TP73: variants seen among roughly 807,000 people sequenced by gnomAD.
TP73 encodes p53-like transcription factor.
Under a neutral mutation model 62.5 loss-of-function variants are expected in TP73, and 25 were observed. The ratio of observed to expected loss-of-function variants is 0.40; its 90% CI spans 0.29 to 0.56. The LOEUF is 0.56. Among genes scored for constraint, TP73 ranks in the 20% least tolerant of loss-of-function variants. The pLI, the probability that TP73 is intolerant of heterozygous loss-of-function variation, is 0.46. For missense variants in TP73, 754 were observed against 913.3 expected (o/e 0.83, Z 2.25); for synonymous variants, 423 against 377.5 (o/e 1.12, Z -1.40).
rs2124525106 is a variant in TP73 at position 3,728,274 on chromosome 1, T to C, written c.1074+57T>C. ...GACCTGCCTCACCTCTGTCGTCTGCTGAGCCCAGGCTGGGCCATGGGGAGG... is the reference window on the plus strand; with the variant it reads ...GACCTGCCTCACCTCTGTCGTCTGCCGAGCCCAGGCTGGGCCATGGGGAGG... On this transcript the variant is annotated intron_variant, in intron 9 of 13. Transcript: ENST00000378295. The C allele has an allele frequency of 1.6e-5, 25 of 1,568,478 alleles. 1 individual carries two copies. The South Asian group carries it at 2.8e-4, about 18-fold the overall frequency.
At chr1:3,724,276 G>C (rs1641328517) in intron 6 of TP73, among the ~76,000 whole-genome samples, 1 of 152,034 alleles carries the variant, frequency 6.6e-6, no homozygotes, top group Non-Finnish European at 1.5e-5. Context: ...CCAGGGGAAG[G>C]CAGGCAATGG....
chr1:3,691,065 TGGGGTGAGCAGA>T lies in TP73; in HGVS notation c.186+7888_186+7899del, dbSNP rs1645810736. On this transcript the variant is annotated intron_variant, in intron 3 of 13. Transcript: ENST00000378295. ...TCCTGGCCTGGAGTCTGCTGCCAGT[TGGGGTGAGCAGA>T]GGTAGGAAGGGAGGCGTTGAGGGGC... 4 of 1,414,690 alleles carry T rather than the reference TGGGGTGAGCAGA, an allele frequency of 2.8e-6. No homozygotes were observed. The African/African-American group carries it at 4.2e-5, about 15-fold the overall frequency. 87.6% of individuals were successfully genotyped at this position (1,414,690 alleles called of 1,614,324 possible).
At chr1:3,722,669 GCGC>G in intron 5 of TP73, among the ~76,000 whole-genome samples, 1 of 150,970 alleles carries the variant, frequency 6.6e-6, no homozygotes, top group Non-Finnish European at 1.5e-5. Flanking sequence ...GCACAGCTGG[GCGC>G]CTCTCTGCAC....
chr1:3,690,401 C>T (rs1273050088), intron 3 of TP73, among the ~76,000 whole-genome samples: 1 of 152,196 alleles, frequency 6.6e-6, no homozygotes, highest in Non-Finnish European at 1.5e-5. Flanking sequence ...CTACCATGAT[C>T]TCCAGGGCCG....
intron 1 of TP73, among the ~76,000 whole-genome samples, chr1:3,676,691 C>A (rs1010464634): frequency 2.0e-5 from 3 of 151,972 alleles, no homozygotes; most frequent in African/African-American, 7.3e-5. Context: ...GCTCCTCAGC[C>A]CTCAGTAGCT....
At chr1:3,687,370 G>A (rs1030542060) in intron 3 of TP73, among the ~76,000 whole-genome samples, 4 of 152,192 alleles carry the variant, frequency 2.6e-5, no homozygotes, top group Non-Finnish European at 5.9e-5. Context: ...CCCCCACACC[G>A]TCTGGGAAGA....
rs1007211745 is a variant in TP73 at position 3,663,029 on chromosome 1, G to A, written c.-34+10388G>A. Among the ~76,000 whole-genome samples the A allele has an allele frequency of 5.3e-5, 8 of 152,378 alleles. No individual in the cohort carries two copies. Among genetic ancestry groups the A allele is most frequent in the African/African-American group, 1.7e-4 (7 of 41,592 alleles). On this transcript the variant is annotated intron_variant, in intron 1 of 13. Transcript: ENST00000378295. This position sits in a 1 kb window ranked among gnomAD's most constrained non-coding sequence, Gnocchi z 4.7. The stretch of plus-strand genomic sequence containing the variant: ...TTCCTCACTGCAGTGGCATCATACA[G>A]ATGAGGGCTTTGCTGATCATTATCT...
At position 3,735,891 on chromosome 1, in the gene TP73, G is replaced by C. The variant is rs1404259323; in HGVS notation, c.*2812G>C. On this transcript the variant is annotated 3_prime_UTR_variant, in exon 14 of 14. Coordinates refer to ENST00000378295, the MANE Select transcript of TP73 (RefSeq NM_005427.4). ...CCTGGGCTGCTGGGAAGCCCTTGCT[G>C]TACCCAGGAGCCCGACCCGCAGTAT... is the stretch of plus-strand genomic sequence containing the variant. 6.6e-6 allele frequency: 1 copy of C among 152,178 alleles called. No individual in the cohort carries two copies. The allele number at this position is 152,178 out of a possible 1,614,324, so 9.4% of individuals were successfully genotyped here.
rs1366629655 is a variant in TP73 at position 3,699,410 on chromosome 1, G to A, written c.187-8139G>A. Among the ~76,000 whole-genome samples the A allele has an allele frequency of 6.6e-6, 1 of 152,150 alleles. No homozygotes were observed. Among genetic ancestry groups the A allele is most frequent in the East Asian group, 1.9e-4 (1 of 5,198 alleles). ...CTGGTCTCAATATTCTCCAGGGAAC[G>A]AGGACACGGACCTCCTTGTTCTACA... On this transcript the variant is annotated intron_variant, in intron 3 of 13. Coordinates refer to ENST00000378295, the MANE Select transcript of TP73 (RefSeq NM_005427.4). The surrounding 1 kb of genome is among the most constrained non-coding windows in gnomAD (Gnocchi z 4.1).
chr1:3,716,001 C>T (rs1046884925), intron 4 of TP73, among the ~76,000 whole-genome samples: 6 of 152,188 alleles, frequency 3.9e-5, no homozygotes, highest in African/African-American at 1.4e-4. Flanking sequence ...GAGAGTCCCC[C>T]GTGTGGCTCC....
chr1:3,677,690 C>CTTTT (rs1196146698), intron 1 of TP73, among the ~76,000 whole-genome samples: 4 of 137,312 alleles, frequency 2.9e-5, no homozygotes, highest in Non-Finnish European at 4.6e-5. Context: ...CCTTCCTTCC[C>CTTTT]TTTTTTTTTT....
intron 1 of TP73, among the ~76,000 whole-genome samples, chr1:3,655,116 G>T (rs761874401): frequency 3.9e-5 from 6 of 152,232 alleles, no homozygotes; most frequent in Admixed American, 6.5e-5. Context: ...GCCAGGCGCC[G>T]TGGCCCACGC....
chr1:3,684,711 G>A (rs1196868867), intron 3 of TP73, among the ~76,000 whole-genome samples: 3 of 152,154 alleles, frequency 2.0e-5, no homozygotes, highest in Non-Finnish European at 4.4e-5. Flanking sequence ...ATTCCTCCGA[G>A]GAGCCCCTCA....
intron 3 of TP73, among the ~76,000 whole-genome samples, chr1:3,707,053 C>G (rs1358205963): frequency 1.3e-5 from 2 of 152,176 alleles, no homozygotes; most frequent in African/African-American, 4.8e-5. Context: ...GATCTGGTCT[C>G]CAGCACCTCA....
At chr1:3,674,045 A>G (rs974942368) in intron 1 of TP73, among the ~76,000 whole-genome samples, 27 of 152,134 alleles carry the variant, frequency 1.8e-4, no homozygotes, top group African/African-American at 6.5e-4. Flanking sequence ...CTGGTTGGTA[A>G]CAGGTGTGTG....
intron 3 of TP73, among the ~76,000 whole-genome samples, chr1:3,693,066 C>A (rs1352475490): frequency 6.6e-6 from 1 of 151,844 alleles, no homozygotes; most frequent in Non-Finnish European, 1.5e-5. Context: ...GTGTGTTAGG[C>A]TGAGTGCCAG....
chr1:3,714,202 G>A (rs2124436342), intron 4 of TP73: 1 of 152,354 alleles, frequency 6.6e-6, no homozygotes, highest in African/African-American at 2.4e-5. Flanking sequence ...AAGCTGAAGA[G>A]GGACCACCCC....
intron 1 of TP73, among the ~76,000 whole-genome samples, chr1:3,674,026 G>C (rs1645303658): frequency 6.6e-6 from 1 of 152,180 alleles, no homozygotes; most frequent in Admixed American, 6.5e-5. Context: ...CCCTCTCTGT[G>C]CATGTCTCCT....
At chr1:3,690,742 C>T in intron 3 of TP73, 2 of 1,448,868 alleles carry the variant, frequency 1.4e-6, no homozygotes, top group South Asian at 2.8e-5. Context: ...CCGCATGTTC[C>T]CCAGCATCCT....
Sources: gnomAD v4.1 joint callset for allele counts (sites outside exome capture counted in the v4.1 genomes callset) on GRCh38, gnomAD v4.1.1 for gene constraint, Gnocchi (gnomAD v3.1) non-coding constraint, MANE v1.5 for transcripts, NCBI Gene and HGNC (gene_info 2026-07-23, HGNC 2026-07-21) for gene names.